SPRED2: variants seen among roughly 807,000 people sequenced by gnomAD.
SPRED2 encodes sprouty-related, EVH1 domain-containing protein 2.
SPRED2 carries 47 observed loss-of-function variants against 43.0 expected under a neutral mutation model. The observed-to-expected ratio is 1.09, with a 90% CI of 0.87 to 1.40. The LOEUF (loss-of-function observed/expected upper bound fraction) is 1.40, where lower values mean the gene tolerates loss of function less well. Ranked by LOEUF, SPRED2 falls within the 40% of genes most tolerant of loss-of-function variation. The pLI, the probability that SPRED2 is intolerant of heterozygous loss-of-function variation, is 0.00. For missense variants in SPRED2, 561 were observed against 586.4 expected (o/e 0.96, Z 0.45); for synonymous variants, 225 against 225.7 (o/e 1.00, Z 0.03).
chr2:65,431,958 T>G lies in SPRED2; in HGVS notation c.26+4A>C. 4.3e-6 allele frequency: 7 copies of G among 1,612,852 alleles called. No individual in the cohort carries two copies. Among genetic ancestry groups the G allele is most frequent in the African/African-American group, 1.3e-5 (1 of 74,956 alleles). The stretch of plus-strand genomic sequence containing the variant: ...CCCTCGTCCCACCCCGCGACCAAAC[T>G]TACTCGTCTGGGTGTGTTTCTTCGG... On this transcript the variant is annotated splice_donor_region_variant and intron_variant, in intron 1 of 5. Coordinates refer to ENST00000356388, the MANE Select transcript of SPRED2 (RefSeq NM_181784.3).
Position 65,431,868 on chromosome 2 carries a change from G to A in SPRED2, c.26+94C>T, listed in dbSNP as rs377411532. ...AGCGAGTCGCTGCACCCCACGCCAA[G>A]TTCACCCAATAAGCGTCCCCGCCCG... is the stretch of plus-strand genomic sequence containing the variant. On this transcript the variant is annotated intron_variant, in intron 1 of 5. Transcript: ENST00000356388. The A allele has an allele frequency of 3.4e-6, 5 of 1,465,812 alleles. No individual in the cohort carries two copies. The Admixed American group carries it at 6.7e-5, about 20-fold the overall frequency. 90.8% of individuals were successfully genotyped at this position (1,465,812 alleles called of 1,614,324 possible).
chr2:65,309,736 G>A (rs1673021295), downstream of SPRED2, among the ~76,000 whole-genome samples: 1 of 152,190 alleles, frequency 6.6e-6, no homozygotes, highest in Non-Finnish European at 1.5e-5. Context: ...CATGACGTTG[G>A]TGGTATGCCC....
At chr2:65,350,608 T>A (rs927122305) in intron 1 of SPRED2, among the ~76,000 whole-genome samples, 4 of 152,238 alleles carry the variant, frequency 2.6e-5, no homozygotes, top group African/African-American at 9.6e-5. Flanking sequence ...ACATGTGGAC[T>A]TTTTGTAAAA....
intron 5 of SPRED2, among the ~76,000 whole-genome samples, chr2:65,315,658 A>ATATT (rs776856006): frequency 3.7e-4 from 56 of 152,158 alleles, no homozygotes; most frequent in African/African-American, 2.4e-4. Flanking sequence ...GCATAATGTG[A>ATATT]TATTTATTTA....
intron 1 of SPRED2, among the ~76,000 whole-genome samples, chr2:65,401,931 GCGCGCGCA>G (rs1675901940): frequency 1.3e-5 from 1 of 77,764 alleles, no homozygotes; most frequent in African/African-American, 6.1e-5. Flanking sequence ...ATATTAGCGC[GCGCGCGCA>G]CACACACACA....
downstream of SPRED2, among the ~76,000 whole-genome samples, chr2:65,309,782 C>T (rs1046401978): frequency 6.6e-6 from 1 of 152,164 alleles, no homozygotes; most frequent in Non-Finnish European, 1.5e-5. Context: ...CAAAGACAAA[C>T]TATACCTGAG....
Position 65,343,855 on chromosome 2 carries a change from T to C in SPRED2, c.204+864A>G, listed in dbSNP as rs147181725. On this transcript the variant is annotated intron_variant, in intron 2 of 5. Coordinates refer to ENST00000356388, the MANE Select transcript of SPRED2 (RefSeq NM_181784.3). ...ATCTATAAGCATGGATAATAATTTA[T>C]AGAAGTATGGGCCAGGCACGGTGGC... 7.8e-4 allele frequency among the ~76,000 whole-genome samples: 119 copies of C among 152,258 alleles called. 2 individuals are homozygous for C. In the East Asian group the frequency reaches 0.022, roughly 28 times the overall value.
intron 1 of SPRED2, among the ~76,000 whole-genome samples, chr2:65,395,922 A>G (rs1442544862): frequency 6.6e-6 from 1 of 151,926 alleles, no homozygotes; most frequent in Non-Finnish European, 1.5e-5. Flanking sequence ...TTTTTTTCCT[A>G]AACTTTATCT....
At chr2:65,331,657 C>A (rs557731100) in intron 4 of SPRED2, among the ~76,000 whole-genome samples, 2 of 152,316 alleles carry the variant, frequency 1.3e-5, no homozygotes, top group East Asian at 3.9e-4. Context: ...GGACTAGGGA[C>A]ATTTTGTGCT....
intron 1 of SPRED2, among the ~76,000 whole-genome samples, chr2:65,429,978 C>A (rs971520832): frequency 6.6e-6 from 1 of 152,148 alleles, no homozygotes; most frequent in Admixed American, 6.6e-5. Flanking sequence ...TGACAAGCTG[C>A]CACAAAAAGA....
intron 1 of SPRED2, among the ~76,000 whole-genome samples, chr2:65,349,966 TAA>T: frequency 6.6e-6 from 1 of 152,242 alleles, no homozygotes; most frequent in Admixed American, 6.5e-5. Context: ...GGCAGGGGGA[TAA>T]AGTGCTGGAC....
chr2:65,320,641 A>G (rs1332351191), intron 4 of SPRED2, among the ~76,000 whole-genome samples: 1 of 152,204 alleles, frequency 6.6e-6, no homozygotes, highest in Non-Finnish European at 1.5e-5. Flanking sequence ...CCGAGCCTGC[A>G]GTCTTCCAGG....
intron 1 of SPRED2, among the ~76,000 whole-genome samples, chr2:65,384,498 A>G (rs2103659128): frequency 6.6e-6 from 1 of 152,350 alleles, no homozygotes; most frequent in East Asian, 1.9e-4. Flanking sequence ...TTCAAAACTT[A>G]GTAAGAATTT....
At chr2:65,325,886 G>A (rs756827747) in intron 4 of SPRED2, among the ~76,000 whole-genome samples, 1 of 152,086 alleles carries the variant, frequency 6.6e-6, no homozygotes, top group Non-Finnish European at 1.5e-5. Context: ...AGGAGGCTGA[G>A]GCAGGAGAAT....
chr2:65,361,697 G>A (rs1167289013), intron 1 of SPRED2, among the ~76,000 whole-genome samples: 1 of 152,154 alleles, frequency 6.6e-6, no homozygotes, highest in African/African-American at 2.4e-5. Context: ...ATTACTCAAA[G>A]CAGGGAAAAA....
In SPRED2 at chr2:65,312,838, G is replaced by C; in HGVS notation, c.*663C>G. 4.1e-6 allele frequency: 4 copies of C among 985,770 alleles called. No individual in the cohort carries two copies. The highest frequency in any genetic ancestry group is 4.8e-6 in the Non-Finnish European group (4 of 829,908). 61.1% of individuals were successfully genotyped at this position (985,770 alleles called of 1,614,324 possible). A position where few individuals can be genotyped will look rare whatever the true frequency, so the allele number is the denominator to read the frequency against. On this transcript the variant is annotated 3_prime_UTR_variant, in exon 6 of 6. Coordinates refer to ENST00000356388, the MANE Select transcript of SPRED2 (RefSeq NM_181784.3). ...TCAGTGAATCATTTCAACAGATTTT[G>C]GGGGGGCAGAAAATGATGATGGGCT... is the stretch of plus-strand genomic sequence containing the variant.
At chr2:65,385,993 G>A (rs892249664) in intron 1 of SPRED2, among the ~76,000 whole-genome samples, 9 of 152,184 alleles carry the variant, frequency 5.9e-5, no homozygotes, top group African/African-American at 2.2e-4. Flanking sequence ...GTATCAGAAA[G>A]CACAGGACTG....
chr2:65,314,702 G>A (rs1673186924), intron 5 of SPRED2, among the ~76,000 whole-genome samples: 1 of 152,210 alleles, frequency 6.6e-6, no homozygotes, highest in South Asian at 2.1e-4. Context: ...TAAGGACACT[G>A]GAGTGCAATA....
chr2:65,324,629 C>G lies in SPRED2; in HGVS notation c.438+7358G>C, dbSNP rs1004907779. Among the ~76,000 whole-genome samples the G allele has an allele frequency of 2.6e-5, 4 of 152,174 alleles. 1 individual carries two copies. Among genetic ancestry groups the G allele is most frequent in the East Asian group, 3.9e-4 (2 of 5,194 alleles). The stretch of plus-strand genomic sequence containing the variant: ...TGGGAAATTCATAAAGAAGCAAGTG[C>G]AGCAGCTCACACGCCCTGGGTCCAA... On this transcript the variant is annotated intron_variant, in intron 4 of 5. Coordinates refer to ENST00000356388, the MANE Select transcript of SPRED2 (RefSeq NM_181784.3).
Sources: allele counts gnomAD v4.1 joint callset (sites outside exome capture counted in the v4.1 genomes callset), GRCh38; gene constraint gnomAD v4.1.1; transcripts MANE v1.5; gene names NCBI Gene and HGNC (gene_info 2026-07-23, HGNC 2026-07-21).